Variants in WDR49 observed in about 807,000 individuals in gnomAD.
The protein encoded by WDR49 is cilia- and flagella-associated protein 337.
Under a neutral mutation model 119.5 loss-of-function variants are expected in WDR49, and 107 were observed. The ratio of observed to expected loss-of-function variants is 0.90; its 90% CI spans 0.77 to 1.05. WDR49 has a LOEUF of 1.05. Ranked by LOEUF, WDR49 falls within the 50% of genes least tolerant of loss-of-function variation. The pLI, the probability that WDR49 is intolerant of heterozygous loss-of-function variation, is 0.00. For missense variants in WDR49, 1,240 were observed against 1,220.5 expected, an observed-to-expected ratio of 1.02 and a Z score of -0.24; for synonymous variants, 425 against 418.8, an observed-to-expected ratio of 1.01 and a Z score of -0.18.
At position 167,482,074 on chromosome 3, in the gene WDR49, A is replaced by G. The variant is rs892317367; in HGVS notation, c.3032-3078T>C. 2.6e-5 allele frequency among the ~76,000 whole-genome samples: 4 copies of G among 152,316 alleles called. No individual in the cohort carries two copies. The South Asian group carries it at 6.2e-4, about 24-fold the overall frequency. On this transcript the variant is annotated intron_variant, in intron 18 of 18. Coordinates refer to ENST00000682715, the MANE Select transcript of WDR49 (RefSeq NM_001366157.1). ...TAATTGACTTAGAATACTCAAAACC[A>G]AGTGATATCCCAGTAATGTTATTAG...
At chr3:167,520,711 T>A (rs1240535121) in intron 16 of WDR49, among the ~76,000 whole-genome samples, 2 of 152,294 alleles carry the variant, frequency 1.3e-5, no homozygotes, top group East Asian at 3.9e-4. Flanking sequence ...AGTAATTTAT[T>A]GAGATGTTTA....
chr3:167,500,908 T>C (rs1441835895), intron 17 of WDR49, among the ~76,000 whole-genome samples: 1 of 152,204 alleles, frequency 6.6e-6, no homozygotes, highest in African/African-American at 2.4e-5. Context: ...TCTTTGTTAG[T>C]TCTGTGAAGG....
rs948997784 is a variant in WDR49, at chr3:167,635,790, T to C, written c.166-8498A>G. Among the ~76,000 whole-genome samples the C allele has an allele frequency of 5.9e-5, 9 of 151,580 alleles. No homozygotes were observed. In the East Asian group the frequency reaches 1.7e-3, roughly 29 times the overall value. On this transcript the variant is annotated intron_variant, in intron 2 of 18. Transcript: ENST00000682715. ...ATGAGTTGTAAGCCACTGGGAGAAATAGGTCCATCCATCCTTCCACCCATT... is the reference window on the plus strand; with the variant it reads ...ATGAGTTGTAAGCCACTGGGAGAAACAGGTCCATCCATCCTTCCACCCATT...
chr3:167,641,629 T>C (rs973728098), intron 2 of WDR49, among the ~76,000 whole-genome samples: 1 of 151,964 alleles, frequency 6.6e-6, no homozygotes, highest in Admixed American at 6.6e-5. Flanking sequence ...GGAAGTCCTA[T>C]GTAGATAGTT....
intron 16 of WDR49, among the ~76,000 whole-genome samples, chr3:167,520,919 T>C (rs986246915): frequency 6.6e-6 from 1 of 151,934 alleles, no homozygotes; most frequent in Non-Finnish European, 1.5e-5. Context: ...ACCCACTCCA[T>C]TGGAGGGGAG....
intron 2 of WDR49, among the ~76,000 whole-genome samples, chr3:167,643,385 C>G (rs1438955850): frequency 6.6e-6 from 1 of 151,962 alleles, no homozygotes; most frequent in East Asian, 1.9e-4. Flanking sequence ...ATGGGATGTT[C>G]TAAGTAACTG....
intron 7 of WDR49, among the ~76,000 whole-genome samples, chr3:167,599,117 G>A (rs940288870): frequency 3.9e-5 from 6 of 152,088 alleles, no homozygotes; most frequent in Non-Finnish European, 7.3e-5. Context: ...ACGGCTCTGG[G>A]GCTCTATGGT....
chr3:167,592,995 A>C (rs1715219173), intron 7 of WDR49, among the ~76,000 whole-genome samples: 1 of 152,004 alleles, frequency 6.6e-6, no homozygotes, highest in South Asian at 2.1e-4. Flanking sequence ...ATTTTATGTT[A>C]TTTGTTTCTT....
chr3:167,634,039 A>G (rs1168587031), intron 2 of WDR49, among the ~76,000 whole-genome samples: 4 of 152,000 alleles, frequency 2.6e-5, no homozygotes, highest in African/African-American at 7.2e-5. Context: ...ATTTCCTTCA[A>G]TGAAAAGTTT....
rs184968546 is a variant in WDR49, at chr3:167,595,149, T to C, written c.1275+6978A>G. On this transcript the variant is annotated intron_variant, in intron 7 of 18. Coordinates refer to ENST00000682715, the MANE Select transcript of WDR49 (RefSeq NM_001366157.1). ...TCAAAGAGAATAAAATACTTAGGAA[T>C]CTAACTTACAAGGGATGTGAAGGAC... is the stretch of plus-strand genomic sequence containing the variant. Among the ~76,000 whole-genome samples, 352 of 152,124 alleles carry C rather than the reference T, an allele frequency of 2.3e-3. 1 individual carries two copies. The highest frequency in any genetic ancestry group is 7.9e-3 in the African/African-American group (327 of 41,484).
At chr3:167,595,780 A>T (rs1231884965) in intron 7 of WDR49, among the ~76,000 whole-genome samples, 4 of 151,898 alleles carry the variant, frequency 2.6e-5, no homozygotes, top group Non-Finnish European at 5.9e-5. Context: ...AAGAAAACCT[A>T]GGCATTACCA....
intron 16 of WDR49, among the ~76,000 whole-genome samples, chr3:167,509,968 C>T (rs914888443): frequency 9.2e-5 from 14 of 152,058 alleles, no homozygotes; most frequent in African/African-American, 3.4e-4. Flanking sequence ...TACATTTTTT[C>T]ATTGTTGTAA....
At chr3:167,637,301 G>C (rs1442389638) in intron 2 of WDR49, among the ~76,000 whole-genome samples, 1 of 151,758 alleles carries the variant, frequency 6.6e-6, no homozygotes, top group Non-Finnish European at 1.5e-5. Context: ...TCAGTTGGCT[G>C]TAAGTATTTG....
chr3:167,581,760 G>T (rs940870928), intron 7 of WDR49, among the ~76,000 whole-genome samples: 1 of 152,152 alleles, frequency 6.6e-6, no homozygotes, highest in Admixed American at 6.6e-5. Flanking sequence ...TGTGTGAATG[G>T]ATAGAAAATC....
intron 6 of WDR49, among the ~76,000 whole-genome samples, chr3:167,602,910 G>C (rs994917801): frequency 2.6e-5 from 4 of 152,020 alleles, no homozygotes; most frequent in African/African-American, 9.7e-5. Flanking sequence ...TCATGCTATA[G>C]AAGTTTGTAG....
upstream of WDR49, among the ~76,000 whole-genome samples, chr3:167,654,135 T>TA (rs1336651430): frequency 6.6e-6 from 1 of 152,238 alleles, no homozygotes; most frequent in Non-Finnish European, 1.5e-5. Context: ...ACTCATTTTT[T>TA]ATTAAACGAC....
At chr3:167,647,546 A>T (rs899596712) in intron 2 of WDR49, among the ~76,000 whole-genome samples, 8 of 152,152 alleles carry the variant, frequency 5.3e-5, no homozygotes, top group African/African-American at 1.9e-4. Context: ...CCACCACAGA[A>T]TTCCTCTGCC....
intron 7 of WDR49, among the ~76,000 whole-genome samples, chr3:167,581,676 GC>G (rs748038003): frequency 2.6e-5 from 4 of 152,058 alleles, no homozygotes; most frequent in Admixed American, 6.6e-5. Context: ...ATGAAATAAA[GC>G]TTTTCTTCTG....
intron 16 of WDR49, among the ~76,000 whole-genome samples, chr3:167,512,501 G>GA (rs973817507): frequency 6.6e-6 from 1 of 152,104 alleles, no homozygotes; most frequent in African/African-American, 2.4e-5. Context: ...ACAAAGATGA[G>GA]AAAAAAATCC....
Sources: allele counts gnomAD v4.1 joint callset (sites outside exome capture counted in the v4.1 genomes callset), GRCh38; gene constraint gnomAD v4.1.1; transcripts MANE v1.5; gene names NCBI Gene and HGNC (gene_info 2026-07-23, HGNC 2026-07-21).